KDSR: variants seen among roughly 807,000 people sequenced by gnomAD.
The protein encoded by KDSR is 3-dehydrosphinganine reductase.
In KDSR, 23 loss-of-function variants were observed where a neutral mutation model predicts 41.3. That is an observed-to-expected ratio of 0.56 (90% confidence interval 0.40 to 0.79). The LOEUF is 0.79. KDSR is among the 30% of genes least tolerant of loss of function. The probability of loss-of-function intolerance (pLI) is 0.00; values close to 1 mark genes in which losing one functional copy is unlikely to be tolerated. For synonymous variants in KDSR, 138 were observed against 151.7 expected (o/e 0.91, Z 0.66); for missense variants, 351 against 416.8 (o/e 0.84, Z 1.37).
At position 63,367,037 on chromosome 18, in the gene KDSR, G is replaced by A; in HGVS notation, c.82C>T (p.Leu28Phe). The change falls in exon 1 of 10, where the codon CTC becomes TTC. Residue 28 changes from leucine to phenylalanine, a missense_variant. Leu to Phe is a conservative substitution (Grantham distance 22, BLOSUM62 0). Coordinates refer to ENST00000645214, the MANE Select transcript of KDSR (RefSeq NM_002035.4). ...MVSPLISPKP[L>F]ALPGAHVVVT... ...ACCACATGCGCCCCGGGCAGGGCGA[G>A]GGGCTTGGGGCTGATGAGCGGAGAC... is the stretch of plus-strand genomic sequence containing the variant. 1 of 1,318,788 alleles carries A rather than the reference G, an allele frequency of 7.6e-7. No individual in the cohort carries two copies. The highest frequency in any genetic ancestry group is 1.5e-5 in the African/African-American group (1 of 66,520). The allele number at this position is 1,318,788 out of a possible 1,614,324, so 81.7% of individuals were successfully genotyped here. A position where few individuals can be genotyped will look rare whatever the true frequency, so the allele number is the denominator to read the frequency against.
Position 63,361,999 on chromosome 18 carries a change from TG to T in KDSR, c.198+779del, listed in dbSNP as rs1915001971. 3.9e-5 allele frequency among the ~76,000 whole-genome samples: 6 copies of T among 152,160 alleles called. No homozygotes were observed. In the South Asian group the frequency reaches 1.2e-3, roughly 32 times the overall value. ...CACATGGGTGAATCCAAGATCCCCATGGAAGTATGCCATGCTGACATTCCCA... is the reference window on the plus strand; with the variant it reads ...CACATGGGTGAATCCAAGATCCCCATGAAGTATGCCATGCTGACATTCCCA... On this transcript the variant is annotated intron_variant, in intron 2 of 9. Coordinates refer to ENST00000645214, the MANE Select transcript of KDSR (RefSeq NM_002035.4).
Position 63,331,114 on chromosome 18 carries a change from C to G in KDSR, c.*668G>C. 1 of 233,226 alleles carries G rather than the reference C, an allele frequency of 4.3e-6. No homozygotes were observed. The highest frequency in any genetic ancestry group is 1.3e-3 in the Middle Eastern group (1 of 786). 14.4% of individuals were successfully genotyped at this position (233,226 alleles called of 1,614,324 possible). A position where few individuals can be genotyped will look rare whatever the true frequency, so the allele number is the denominator to read the frequency against. ...CCCATTGCACTGCCCTCTCCCGTCC[C>G]CCTCGTAGCTTTATGGGATCAAAGA... On this transcript the variant is annotated 3_prime_UTR_variant, in exon 10 of 10. Transcript: ENST00000645214.
intron 2 of KDSR, 146 bp downstream of exon 2, chr18:63,362,633 T>C: frequency 1.7e-6 from 1 of 601,086 alleles, no homozygotes; most frequent in Non-Finnish European, 3.0e-6. Flanking sequence ...GCCTAAATAC[T>C]AGAGAGAATC....
At chr18:63,338,426 C>G (rs1421105376) in intron 8 of KDSR, among the ~76,000 whole-genome samples, 8 of 152,166 alleles carry the variant, frequency 5.3e-5, no homozygotes, top group South Asian at 2.1e-4. Context: ...CGTTAGCTAA[C>G]TTTTGGGAAA....
chr18:63,341,138 T>A (rs1914329330), intron 7 of KDSR, among the ~76,000 whole-genome samples: 1 of 150,608 alleles, frequency 6.6e-6, no homozygotes, highest in Non-Finnish European at 1.5e-5. Flanking sequence ...CAATCAAGGA[T>A]CAACAGACAT....
At chr18:63,358,311 G>A (rs1228998984) in intron 3 of KDSR, among the ~76,000 whole-genome samples, 2 of 152,150 alleles carry the variant, frequency 1.3e-5, no homozygotes, top group African/African-American at 4.8e-5. Context: ...AGGCTGGGAG[G>A]AAATGGCAAG....
chr18:63,364,163 T>C (rs1307498710), intron 1 of KDSR, among the ~76,000 whole-genome samples: 1 of 152,126 alleles, frequency 6.6e-6, no homozygotes, highest in Non-Finnish European at 1.5e-5. Context: ...AAATCTCAGC[T>C]CAAATACCAC....
At chr18:63,354,944 T>C (rs1334001647) in intron 5 of KDSR, among the ~76,000 whole-genome samples, 1 of 152,228 alleles carries the variant, frequency 6.6e-6, no homozygotes, top group Non-Finnish European at 1.5e-5. Flanking sequence ...GCTACAGTAA[T>C]CTGTGTCAGA....
At chr18:63,359,224 A>C (rs935793565) in intron 3 of KDSR, among the ~76,000 whole-genome samples, 1 of 151,492 alleles carries the variant, frequency 6.6e-6, no homozygotes, top group Admixed American at 6.6e-5. Flanking sequence ...GAAAAGAAAA[A>C]GAAAGGATTA....
At chr18:63,362,550 A>G (rs185931844) in intron 2 of KDSR, among the ~76,000 whole-genome samples, 13 of 152,302 alleles carry the variant, frequency 8.5e-5, no homozygotes, top group Admixed American at 7.8e-4. Flanking sequence ...ATCTATGATG[A>G]TGTTGCCTAA....
chr18:63,351,259 T>G (rs974606580), intron 5 of KDSR, among the ~76,000 whole-genome samples, 180 bp from the exon 6 acceptor site: 2 of 151,738 alleles, frequency 1.3e-5, no homozygotes, highest in African/African-American at 4.8e-5. Context: ...ATTTGAGACC[T>G]AGCATTTGAA....
rs1555713254 is a variant in KDSR at position 63,337,113 on chromosome 18, A to ATATATATATATAT, written c.777+1686_777+1687insATATATATATATA. On this transcript the variant is annotated intron_variant, in intron 8 of 9. Coordinates refer to ENST00000645214, the MANE Select transcript of KDSR (RefSeq NM_002035.4). ...GTGACTTTATATATATATATATGTG[A>ATATATATATATAT]ATATATATATATATATATATATATG... Among the ~76,000 whole-genome samples, 61 of 127,748 alleles carry ATATATATATATAT rather than the reference A, an allele frequency of 4.8e-4. 1 individual carries two copies. Among genetic ancestry groups the ATATATATATATAT allele is most frequent in the Non-Finnish European group, 5.6e-4 (34 of 61,126 alleles). 83.8% of individuals were successfully genotyped at this position (127,748 alleles called of 152,430 possible).
In KDSR at chr18:63,331,118, C is replaced by T. The variant is rs984821659; in HGVS notation, c.*664G>A. On this transcript the variant is annotated 3_prime_UTR_variant, in exon 10 of 10. Transcript: ENST00000645214. ...TTGCACTGCCCTCTCCCGTCCCCCT[C>T]GTAGCTTTATGGGATCAAAGAGAGA... The T allele has an allele frequency of 3.9e-5, 9 of 233,066 alleles. No homozygotes were observed. The highest frequency in any genetic ancestry group is 7.6e-5 in the Non-Finnish European group (9 of 118,010). The allele number at this position is 233,066 out of a possible 1,614,324, so 14.4% of individuals were successfully genotyped here.
chr18:63,332,424 G>A (rs1164765822), intron 9 of KDSR, among the ~76,000 whole-genome samples: 2 of 152,184 alleles, frequency 1.3e-5, no homozygotes, highest in Non-Finnish European at 2.9e-5. Context: ...AGGATGGAGT[G>A]CAGTGGCATG....
In KDSR at chr18:63,330,172, CA is replaced by C. The variant is rs1012692636; in HGVS notation, c.*1609del. On this transcript the variant is annotated 3_prime_UTR_variant, in exon 10 of 10. Coordinates refer to ENST00000645214, the MANE Select transcript of KDSR (RefSeq NM_002035.4). ...GTCAAGAGCTTCAAAAACTCAAGAG[CA>C]AAAAAAAGGTATGCTATAATTTTTA... The C allele has an allele frequency of 4.8e-4, 93 of 194,774 alleles. No homozygotes were observed. The highest frequency in any genetic ancestry group is 1.8e-3 in the Middle Eastern group (1 of 552). 12.1% of individuals were successfully genotyped at this position (194,774 alleles called of 1,614,324 possible).
At chr18:63,361,060 G>GTATATATATA (rs1914963747) in intron 2 of KDSR, among the ~76,000 whole-genome samples, 1 of 117,642 alleles carries the variant, frequency 8.5e-6, no homozygotes, top group Non-Finnish European at 1.6e-5. Context: ...TTATATATAT[G>GTATATATATA]TAAATATATA....
chr18:63,359,690 C>T (rs775903045), intron 3 of KDSR, 46 bp downstream of exon 3: 1 of 1,208,228 alleles, frequency 8.3e-7, no homozygotes, highest in Non-Finnish European at 1.2e-6. Flanking sequence ...CTTTATACAG[C>T]TGTGCTGAGT....
rs756954335 is a variant in KDSR at position 63,331,859 on chromosome 18, G to A, written c.922C>T (p.Leu308Phe). 1.2e-6 allele frequency: 2 copies of A among 1,613,902 alleles called. No individual in the cohort carries two copies. Among genetic ancestry groups the A allele is most frequent in the Non-Finnish European group, 8.5e-7 (1 of 1,179,890 alleles). Reference sequence around the variant, plus strand: ...CGAACTATGCTGTCAAAACTTCCAAGGTAAAACAAAGCAATAGTGCGGAAA... The same window carrying A: ...CGAACTATGCTGTCAAAACTTCCAAAGTAAAACAAAGCAATAGTGCGGAAA... ...GLFRTIALFY[L>F]GSFDSIVRRC... The change falls in exon 10 of 10, where the codon CTT becomes TTT. Residue 308 changes from leucine to phenylalanine, a missense_variant. Physicochemically the swap from Leu to Phe is conservative, Grantham distance 22. Coordinates refer to ENST00000645214, the MANE Select transcript of KDSR (RefSeq NM_002035.4).
chr18:63,367,128 G>A lies in KDSR; in HGVS notation c.-10C>T. The A allele has an allele frequency of 7.6e-7, 1 of 1,307,466 alleles. No homozygotes were observed. The highest frequency in any genetic ancestry group is 9.8e-7 in the Non-Finnish European group (1 of 1,022,636). The allele number at this position is 1,307,466 out of a possible 1,614,324, so 81.0% of individuals were successfully genotyped here. On this transcript the variant is annotated 5_prime_UTR_variant, in exon 1 of 10. Transcript: ENST00000645214. ...CAGCCAGCAGCAGCATCGCTCCGCGGGGCCAGGGGCCCGGAGCGGCCGGGC... is the reference window on the plus strand; with the variant it reads ...CAGCCAGCAGCAGCATCGCTCCGCGAGGCCAGGGGCCCGGAGCGGCCGGGC...
Sources: gnomAD v4.1 joint callset for allele counts (sites outside exome capture counted in the v4.1 genomes callset) on GRCh38, gnomAD v4.1.1 for gene constraint, MANE v1.5 for transcripts, NCBI Gene and HGNC (gene_info 2026-07-23, HGNC 2026-07-21) for gene names.